Variants in LIMCH1 observed in about 807,000 individuals in gnomAD.
The protein encoded by LIMCH1 is LIM and calponin homology domains-containing protein 1.
LIMCH1 carries 113 observed loss-of-function variants against 176.5 expected under a neutral mutation model. The observed-to-expected ratio is 0.64, with a 90% CI of 0.55 to 0.75. The LOEUF is 0.75. Among genes scored for constraint, LIMCH1 ranks in the 30% least tolerant of loss-of-function variants. The probability of loss-of-function intolerance (pLI) is 0.00; values close to 1 mark genes in which losing one functional copy is unlikely to be tolerated. For missense variants in LIMCH1, 1,674 were observed against 1,814.9 expected, an observed-to-expected ratio of 0.92 and a Z score of 1.41; for synonymous variants, 619 against 645.9, an observed-to-expected ratio of 0.96 and a Z score of 0.63.
intron 1 of LIMCH1, among the ~76,000 whole-genome samples, chr4:41,469,076 G>A (rs1324956379): frequency 2.0e-5 from 3 of 152,298 alleles, no homozygotes; most frequent in Admixed American, 2.0e-4. Flanking sequence ...CAGGTGTTTA[G>A]GGCCAAGAGT....
chr4:41,503,926 G>A (rs957507433), intron 2 of LIMCH1, among the ~76,000 whole-genome samples: 15 of 152,216 alleles, frequency 9.9e-5, no homozygotes, highest in Non-Finnish European at 1.5e-4. Flanking sequence ...TGGCTGCCAC[G>A]TTTCCCAACT....
chr4:41,554,510 G>A (rs1180626910), intron 1 of LIMCH1, among the ~76,000 whole-genome samples: 1 of 152,106 alleles, frequency 6.6e-6, no homozygotes, highest in Non-Finnish European at 1.5e-5. Flanking sequence ...CTCTAGGTGT[G>A]GTCTAACCAG....
chr4:41,684,517 G>A lies in LIMCH1; in HGVS notation c.3966G>A (p.Gln1322=), dbSNP rs1011761820. 12 of 1,612,608 alleles carry A rather than the reference G, an allele frequency of 7.4e-6. No homozygotes were observed. The African/African-American group carries it at 1.6e-4, about 22-fold the overall frequency. The change falls in exon 27 of 32, where the codon CAG becomes CAA. Residue 1322 remains glutamine, a splice_region_variant and synonymous_variant. Coordinates refer to ENST00000503057, the MANE Select transcript of LIMCH1 (RefSeq NM_001330672.2). ...GTGGAACAAACCCACAGCTTGCTCA[G>A]GGTAAGAATGGAGAAGACCAGTTTC... ...PHCGTNPQLA[Q]DPSQNQQTSN... is the part of the protein sequence containing the mutation.
intron 18 of LIMCH1, among the ~76,000 whole-genome samples, chr4:41,660,265 A>G (rs12643596): frequency 0.076 from 11,569 of 152,184 alleles, 522 homozygotes; most frequent in South Asian, 0.14. Flanking sequence ...TCATTCCCCA[A>G]TTATTGGATA....
chr4:41,597,880 T>A (rs757015264), intron 1 of LIMCH1, among the ~76,000 whole-genome samples: 5 of 152,206 alleles, frequency 3.3e-5, no homozygotes, highest in Non-Finnish European at 7.3e-5. Flanking sequence ...TATCTTAGAA[T>A]CCTGACTGCA....
At chr4:41,634,573 C>T (rs997874376) in intron 13 of LIMCH1, among the ~76,000 whole-genome samples, 2 of 152,134 alleles carry the variant, frequency 1.3e-5, no homozygotes, top group African/African-American at 4.8e-5. Context: ...ATACCCTAGC[C>T]ATCTTGATCA....
intron 30 of LIMCH1, among the ~76,000 whole-genome samples, chr4:41,690,851 A>T (rs371634684): frequency 2.6e-5 from 4 of 152,344 alleles, no homozygotes; most frequent in African/African-American, 9.6e-5. Context: ...TTCTATAGAG[A>T]ACCATTCCAC....
intron 18 of LIMCH1, among the ~76,000 whole-genome samples, chr4:41,655,536 A>G (rs1484601178): frequency 6.6e-6 from 1 of 152,248 alleles, no homozygotes; most frequent in Non-Finnish European, 1.5e-5. Context: ...ATTTCATACA[A>G]ATGAGATGAA....
chr4:41,383,404 A>G (rs1201351820), intron 1 of LIMCH1, among the ~76,000 whole-genome samples: 1 of 152,122 alleles, frequency 6.6e-6, no homozygotes, highest in Non-Finnish European at 1.5e-5. Flanking sequence ...GCCAGTGAAG[A>G]CCTCATGAGG....
chr4:41,369,991 A>G (rs555359963), intron 1 of LIMCH1, among the ~76,000 whole-genome samples: 33 of 118,382 alleles, frequency 2.8e-4, no homozygotes, highest in African/African-American at 9.0e-4. Flanking sequence ...AGTTTACCCA[A>G]TAGTTGCCTG....
chr4:41,545,865 A>T (rs2079304373), intron 1 of LIMCH1, among the ~76,000 whole-genome samples: 3 of 152,136 alleles, frequency 2.0e-5, no homozygotes, highest in Non-Finnish European at 2.9e-5. Context: ...CTTACTTGGC[A>T]GTTTAATTTT....
chr4:41,569,382 AG>A (rs983292031), intron 1 of LIMCH1, among the ~76,000 whole-genome samples: 5 of 152,154 alleles, frequency 3.3e-5, no homozygotes, highest in African/African-American at 1.2e-4. Context: ...TGGAAGAGAA[AG>A]TGCACATTTT....
At chr4:41,659,731 T>C (rs2094558575) in intron 18 of LIMCH1, among the ~76,000 whole-genome samples, 1 of 152,150 alleles carries the variant, frequency 6.6e-6, no homozygotes, top group Admixed American at 6.5e-5. Flanking sequence ...TAACTTTAGC[T>C]TTTTACAAGA....
Position 41,649,684 on chromosome 4 carries a change from A to G in LIMCH1, c.2821-709A>G, listed in dbSNP as rs1026906496. ...CAAAACCACTCTACTTTCTGCCTCA[A>G]ATTTCAAGACCGAGATTTCCAGATG... is the stretch of plus-strand genomic sequence containing the variant. On this transcript the variant is annotated intron_variant, in intron 17 of 31. Coordinates refer to ENST00000503057, the MANE Select transcript of LIMCH1 (RefSeq NM_001330672.2). 5.3e-5 allele frequency among the ~76,000 whole-genome samples: 8 copies of G among 152,318 alleles called. 1 individual carries two copies. Among genetic ancestry groups the G allele is most frequent in the African/African-American group, 1.7e-4 (7 of 41,564 alleles).
chr4:41,697,019 G>C, intron 31 of LIMCH1, 141 bp from the exon 32 acceptor site: 1 of 777,086 alleles, frequency 1.3e-6, no homozygotes, highest in Non-Finnish European at 2.2e-6. Flanking sequence ...CACACTTCAA[G>C]TAGCAGGATG....
At chr4:41,534,842 A>G (rs906848280), upstream of LIMCH1, among the ~76,000 whole-genome samples, 2 of 152,200 alleles carry the variant, frequency 1.3e-5, no homozygotes, top group South Asian at 2.1e-4. Context: ...AGGAAAAGTC[A>G]TTAGCAATTG....
intron 4 of LIMCH1, among the ~76,000 whole-genome samples, chr4:41,610,766 G>C (rs1164164997): frequency 6.6e-6 from 1 of 152,184 alleles, no homozygotes; most frequent in Non-Finnish European, 1.5e-5. Flanking sequence ...CAGCCAGTCG[G>C]TATTCGGAGA....
intron 2 of LIMCH1, among the ~76,000 whole-genome samples, chr4:41,601,742 T>TAG (rs2089962732): frequency 6.6e-6 from 1 of 151,982 alleles, no homozygotes; most frequent in Non-Finnish European, 1.5e-5. Flanking sequence ...TAGTAAGGAG[T>TAG]AGAGTATGGA....
chr4:41,689,092 G>A (rs989431742), intron 29 of LIMCH1, among the ~76,000 whole-genome samples: 1 of 152,086 alleles, frequency 6.6e-6, no homozygotes, highest in African/African-American at 2.4e-5. Flanking sequence ...TTCTTAATAA[G>A]TAAAAAGAAA....
Sources: gnomAD v4.1 joint callset for allele counts (sites outside exome capture counted in the v4.1 genomes callset) on GRCh38, gnomAD v4.1.1 for gene constraint, MANE v1.5 for transcripts, NCBI Gene and HGNC (gene_info 2026-07-23, HGNC 2026-07-21) for gene names.